Variants in NXPH2 observed in about 807,000 individuals in gnomAD.
NXPH2 encodes neurexophilin 2.
NXPH2 carries 5 observed loss-of-function variants against 19.8 expected under a neutral mutation model. That is an observed-to-expected ratio of 0.25 (90% CI 0.13 to 0.53). NXPH2 has a LOEUF of 0.53. NXPH2 is among the 20% of genes least tolerant of loss of function. The pLI is 0.96. For missense variants in NXPH2, 289 were observed against 322.8 expected (o/e 0.90, Z 0.80); for synonymous variants, 154 against 127.4 (o/e 1.21, Z -1.41).
chr2:138,703,128 G>A (rs1035601974), intron 1 of NXPH2, among the ~76,000 whole-genome samples: 2 of 152,094 alleles, frequency 1.3e-5, no homozygotes, highest in African/African-American at 4.8e-5. Flanking sequence ...ATATCGTCAG[G>A]ACCCAGTGAC....
At chr2:138,774,402 C>T (rs185729512) in intron 1 of NXPH2, among the ~76,000 whole-genome samples, 1 of 152,128 alleles carries the variant, frequency 6.6e-6, no homozygotes, top group East Asian at 1.9e-4. Context: ...TAAGTATATA[C>T]ATCACTTGTG....
chr2:138,740,472 C>A lies in NXPH2; in HGVS notation c.51+39719G>T, dbSNP rs146084561. Among the ~76,000 whole-genome samples the A allele has an allele frequency of 2.8e-3, 420 of 152,186 alleles. 5 individuals carry two copies. The highest frequency in any genetic ancestry group is 9.5e-3 in the African/African-American group (394 of 41,524). ...AAATGTGGTGAGGGGTTCTAGTCAC[C>A]CTGAAATGAATCCGCTAATTAAATT... On this transcript the variant is annotated intron_variant, in intron 1 of 1. Coordinates refer to ENST00000272641, the MANE Select transcript of NXPH2 (RefSeq NM_007226.3).
chr2:138,747,168 TG>T (rs1681750329), intron 1 of NXPH2, among the ~76,000 whole-genome samples: 1 of 152,204 alleles, frequency 6.6e-6, no homozygotes, highest in Non-Finnish European at 1.5e-5. Flanking sequence ...TGAATATTCA[TG>T]CACGTTTATC....
intron 1 of NXPH2, among the ~76,000 whole-genome samples, chr2:138,692,867 C>T (rs1300323375): frequency 4.6e-5 from 7 of 152,148 alleles, no homozygotes; most frequent in African/African-American, 1.7e-4. Context: ...AATTCTTATA[C>T]TCTGTCTCGA....
intron 1 of NXPH2, among the ~76,000 whole-genome samples, chr2:138,690,055 C>T (rs371119521): frequency 2.2e-4 from 33 of 152,228 alleles, no homozygotes; most frequent in East Asian, 2.1e-3. Flanking sequence ...GTCCCTTACG[C>T]GATAATAAGG....
rs911619931 is a variant in NXPH2 at position 138,670,735 on chromosome 2, G to C, written c.*187C>G. ...TAACTTTTTAGATAAAGGTACCTAC[G>C]ATAGAAAGAAACAAATTTCACACTT... On this transcript the variant is annotated 3_prime_UTR_variant, in exon 2 of 2. Coordinates refer to ENST00000272641, the MANE Select transcript of NXPH2 (RefSeq NM_007226.3). 5.4e-6 allele frequency: 3 copies of C among 555,370 alleles called. No individual in the cohort carries two copies. Among genetic ancestry groups the C allele is most frequent in the Middle Eastern group, 4.8e-4 (1 of 2,076 alleles). 34.4% of individuals were successfully genotyped at this position (555,370 alleles called of 1,614,324 possible). A position where few individuals can be genotyped will look rare whatever the true frequency, so the allele number is the denominator to read the frequency against.
At chr2:138,707,451 G>C (rs967566062) in intron 1 of NXPH2, among the ~76,000 whole-genome samples, 1 of 152,120 alleles carries the variant, frequency 6.6e-6, no homozygotes, top group Non-Finnish European at 1.5e-5. Flanking sequence ...ATCTGGGGGG[G>C]AGAAAAGCTT....
intron 1 of NXPH2, among the ~76,000 whole-genome samples, chr2:138,733,061 A>G (rs1410992170): frequency 6.6e-6 from 1 of 152,206 alleles, no homozygotes; most frequent in African/African-American, 2.4e-5. Flanking sequence ...TGCCTTATAT[A>G]GCTCTTTGTT....
intron 1 of NXPH2, among the ~76,000 whole-genome samples, chr2:138,683,366 T>C (rs1204822423): frequency 6.6e-6 from 1 of 152,100 alleles, no homozygotes; most frequent in Non-Finnish European, 1.5e-5. Context: ...CGCTAAAAGT[T>C]GGCATTTAAA....
At chr2:138,716,282 G>A (rs901433024) in intron 1 of NXPH2, among the ~76,000 whole-genome samples, 3 of 152,154 alleles carry the variant, frequency 2.0e-5, no homozygotes, top group African/African-American at 7.2e-5. Flanking sequence ...TAAAATGGAT[G>A]GTAGTAGGAG....
chr2:138,773,121 T>C (rs956315188), intron 1 of NXPH2, among the ~76,000 whole-genome samples: 2 of 152,156 alleles, frequency 1.3e-5, no homozygotes, highest in African/African-American at 2.4e-5. Context: ...TTGCACATGT[T>C]GAGTGTGAGT....
At chr2:138,713,593 C>T (rs533829171) in intron 1 of NXPH2, among the ~76,000 whole-genome samples, 4 of 137,918 alleles carry the variant, frequency 2.9e-5, no homozygotes, top group East Asian at 2.5e-4. Context: ...CTGTAGAAAA[C>T]GTTCTGTGTG....
At chr2:138,768,478 C>T (rs922561636) in intron 1 of NXPH2, among the ~76,000 whole-genome samples, 1 of 152,088 alleles carries the variant, frequency 6.6e-6, no homozygotes, top group African/African-American at 2.4e-5. Context: ...GGCGTATGAC[C>T]CAAACCAACC....
chr2:138,717,305 G>A (rs1681209075), intron 1 of NXPH2, among the ~76,000 whole-genome samples: 1 of 152,068 alleles, frequency 6.6e-6, no homozygotes, highest in Admixed American at 6.6e-5. Flanking sequence ...ACGTTTAACA[G>A]TATTGATGAT....
rs140417229 is a variant in NXPH2, at chr2:138,716,165, C to T, written c.52-44500G>A. On this transcript the variant is annotated intron_variant, in intron 1 of 1. Coordinates refer to ENST00000272641, the MANE Select transcript of NXPH2 (RefSeq NM_007226.3). ...TCCTTACACTTCATAGCATACCGAA[C>T]TCCATTTTTTTAAATAGCAACATTA... 2.6e-3 allele frequency among the ~76,000 whole-genome samples: 389 copies of T among 152,262 alleles called. 1 individual carries two copies. Among genetic ancestry groups the T allele is most frequent in the African/African-American group, 8.7e-3 (362 of 41,532 alleles).
In NXPH2 at chr2:138,670,873, A is replaced by T; in HGVS notation, c.*49T>A. The T allele has an allele frequency of 6.5e-7, 1 of 1,546,956 alleles. No homozygotes were observed. Among genetic ancestry groups the T allele is most frequent in the Non-Finnish European group, 8.7e-7 (1 of 1,145,048 alleles). ...AAAGAGCTGGGCTTGTTTCTTTGTCATTCTAATCAAATACATATGTATCCC... is the reference window on the plus strand; with the variant it reads ...AAAGAGCTGGGCTTGTTTCTTTGTCTTTCTAATCAAATACATATGTATCCC... On this transcript the variant is annotated 3_prime_UTR_variant, in exon 2 of 2. Transcript: ENST00000272641.
At chr2:138,737,338 C>T (rs1188287334) in intron 1 of NXPH2, among the ~76,000 whole-genome samples, 1 of 152,154 alleles carries the variant, frequency 6.6e-6, no homozygotes, top group Non-Finnish European at 1.5e-5. Context: ...ACATGGATGG[C>T]AGCGGGCAAA....
Position 138,780,274 on chromosome 2 carries a change from G to C in NXPH2, c.-33C>G. 1 of 1,409,266 alleles carries C rather than the reference G, an allele frequency of 7.1e-7. No individual in the cohort carries two copies. The highest frequency in any genetic ancestry group is 9.2e-7 in the Non-Finnish European group (1 of 1,091,662). 87.3% of individuals were successfully genotyped at this position (1,409,266 alleles called of 1,614,324 possible). On this transcript the variant is annotated 5_prime_UTR_variant, in exon 1 of 2. Coordinates refer to ENST00000272641, the MANE Select transcript of NXPH2 (RefSeq NM_007226.3). The stretch of plus-strand genomic sequence containing the variant: ...GCTGGCGCGGCTTTTCACGAGCTGC[G>C]CGCCCTCGCCTGCCTCTCGCGCATC...
intron 1 of NXPH2, among the ~76,000 whole-genome samples, chr2:138,776,438 T>C (rs1446501027): frequency 6.6e-6 from 1 of 152,004 alleles, no homozygotes; most frequent in Non-Finnish European, 1.5e-5. Context: ...CCAGATAACA[T>C]AATACCAGAA....
Sources: gnomAD v4.1 joint callset for allele counts (sites outside exome capture counted in the v4.1 genomes callset) on GRCh38, gnomAD v4.1.1 for gene constraint, MANE v1.5 for transcripts, NCBI Gene and HGNC (gene_info 2026-07-23, HGNC 2026-07-21) for gene names.